ELAPOR1: variants seen among roughly 807,000 people sequenced by gnomAD.
ELAPOR1 encodes endosome/lysosome-associated apoptosis and autophagy regulator 1.
A neutral mutation model predicts 119.7 loss-of-function variants in ELAPOR1; 77 were observed. The ratio of observed to expected loss-of-function variants is 0.64; its 90% CI spans 0.54 to 0.78. The LOEUF (loss-of-function observed/expected upper bound fraction) is 0.78, where lower values mean the gene tolerates loss of function less well. ELAPOR1 is among the 30% of genes least tolerant of loss of function. The pLI, the probability that ELAPOR1 is intolerant of heterozygous loss-of-function variation, is 0.00. For missense variants in ELAPOR1, 1,115 were observed against 1,270.4 expected, an observed-to-expected ratio of 0.88 and a Z score of 1.86; for synonymous variants, 481 against 487.2, an observed-to-expected ratio of 0.99 and a Z score of 0.17.
chr1:109,121,396 C>A (rs570615771), intron 1 of ELAPOR1, among the ~76,000 whole-genome samples: 1 of 152,226 alleles, frequency 6.6e-6, no homozygotes, highest in African/African-American at 2.4e-5. Context: ...ATCCACCCCC[C>A]TCAGCCTCCC....
intron 1 of ELAPOR1, among the ~76,000 whole-genome samples, chr1:109,125,164 A>T (rs914517448): frequency 2.6e-5 from 4 of 151,934 alleles, no homozygotes; most frequent in African/African-American, 9.7e-5. Context: ...CCTGATCTCA[A>T]GTGATCAACC....
rs775967639 is a variant in ELAPOR1 at position 109,191,434 on chromosome 1, C to A, written c.1508C>A (p.Thr503Asn). Residue 503 changes from threonine to asparagine, a missense_variant, in exon 12 of 22, where the codon ACC becomes AAC. Transcript: ENST00000369939. ...GCCAGAATCACATTTGTCTTTGAGA[C>A]CCTCTGTTCTGTGAACTGTGAGCTC... ...EVARITFVFE[T>N]LCSVNCELYF... 1 of 1,614,124 alleles carries A rather than the reference C, an allele frequency of 6.2e-7. No homozygotes were observed. Among genetic ancestry groups the A allele is most frequent in the South Asian group, 1.1e-5 (1 of 91,078 alleles).
In ELAPOR1 at chr1:109,172,260, C is replaced by T. The variant is rs60639225; in HGVS notation, c.616-228C>T. The stretch of plus-strand genomic sequence containing the variant: ...GTTTTATCCAGCTCAGACATGAAAA[C>T]AGCACATCTGAGTTACAAGTTATTT... On this transcript the variant is annotated intron_variant, in intron 4 of 21. Transcript: ENST00000369939. Among the ~76,000 whole-genome samples, 1,147 of 152,332 alleles carry T rather than the reference C, an allele frequency of 7.5e-3. 14 individuals are homozygous for T. Among genetic ancestry groups the T allele is most frequent in the African/African-American group, 0.027 (1,103 of 41,580 alleles).
chr1:109,172,426 G>T, intron 4 of ELAPOR1, 62 bp from the exon 5 acceptor site: 1 of 1,250,196 alleles, frequency 8.0e-7, no homozygotes, highest in Non-Finnish European at 1.2e-6. Flanking sequence ...GGTGCAATGT[G>T]GGGAAAGGTA....
At chr1:109,194,692 T>A in intron 15 of ELAPOR1, 98 bp downstream of exon 15, 3 of 1,154,310 alleles carry the variant, frequency 2.6e-6, no homozygotes, top group Non-Finnish European at 3.8e-6. Context: ...ATCCTTCAGG[T>A]AGCAGGGGGT....
chr1:109,144,061 A>ATATATTTTTTTTTTTTTTTT, intron 1 of ELAPOR1, among the ~76,000 whole-genome samples: 11 of 88,982 alleles, frequency 1.2e-4, no homozygotes, highest in African/African-American at 1.9e-4. Context: ...ATATTTATAT[A>ATATATTTTTTTTTTTTTTTT]TTTTTTTTTT....
chr1:109,114,362 C>T lies in ELAPOR1; in HGVS notation c.153+26C>T, dbSNP rs1199536399. 6 of 1,544,978 alleles carry T rather than the reference C, an allele frequency of 3.9e-6. No homozygotes were observed. In the South Asian group the frequency reaches 6.0e-5, roughly 15 times the overall value. On this transcript the variant is annotated intron_variant, in intron 1 of 21. Coordinates refer to ENST00000369939, the MANE Select transcript of ELAPOR1 (RefSeq NM_020775.5). ...GTACTGCCGCCCCCCTACCCGATCC[C>T]GCTTTGGTCACAAAAGTCTTGGATC...
At position 109,199,923 on chromosome 1, in the gene ELAPOR1, G is replaced by T. The variant is rs187543042; in HGVS notation, c.2571G>T (p.Pro857=). The stretch of plus-strand genomic sequence containing the variant: ...TGTGGGAGAGCGCGGCTGCTTGCCC[G>T]CTCTGCTCAGTGGCTGACTACCATG... ...HFLWESAAAC[P]LCSVADYHAI... Residue 857 remains proline, a synonymous_variant, in exon 19 of 22, where the codon CCG becomes CCT. Coordinates refer to ENST00000369939, the MANE Select transcript of ELAPOR1 (RefSeq NM_020775.5). 6 of 1,613,958 alleles carry T rather than the reference G, an allele frequency of 3.7e-6. No homozygotes were observed. The East Asian group carries it at 8.9e-5, about 24-fold the overall frequency.
At chr1:109,167,684 C>T (rs1337894356) in intron 3 of ELAPOR1, among the ~76,000 whole-genome samples, 3 of 152,170 alleles carry the variant, frequency 2.0e-5, no homozygotes, top group Admixed American at 2.0e-4. Flanking sequence ...TCACAGCTCA[C>T]TGCAGCCTCA....
chr1:109,174,513 A>C (rs1027119005), intron 7 of ELAPOR1, among the ~76,000 whole-genome samples: 4 of 149,376 alleles, frequency 2.7e-5, no homozygotes, highest in African/African-American at 9.8e-5. Context: ...GGAATACGTC[A>C]GTGAACAAAA....
intron 1 of ELAPOR1, among the ~76,000 whole-genome samples, chr1:109,157,198 C>A (rs943483449): frequency 2.6e-5 from 4 of 152,168 alleles, no homozygotes; most frequent in African/African-American, 2.4e-5. Context: ...ACACAGGCTG[C>A]TCTCAAACAC....
chr1:109,166,800 T>A (rs930293170), intron 3 of ELAPOR1, among the ~76,000 whole-genome samples: 1 of 152,194 alleles, frequency 6.6e-6, no homozygotes, highest in African/African-American at 2.4e-5. Flanking sequence ...TTGTTCCTTA[T>A]TAAATATGGA....
intron 3 of ELAPOR1, among the ~76,000 whole-genome samples, chr1:109,170,397 G>A (rs180917571): frequency 1.4e-3 from 216 of 152,228 alleles, no homozygotes; most frequent in African/African-American, 5.0e-3. Context: ...AAAATATCAT[G>A]GGATTATGGC....
chr1:109,149,292 G>T (rs1278149950), intron 1 of ELAPOR1, among the ~76,000 whole-genome samples: 1 of 152,072 alleles, frequency 6.6e-6, no homozygotes, highest in Non-Finnish European at 1.5e-5. Flanking sequence ...TTCAGGCAGG[G>T]TTAGAGCAGT....
At chr1:109,163,913 C>T (rs1558042473) in intron 2 of ELAPOR1, among the ~76,000 whole-genome samples, 2 of 152,156 alleles carry the variant, frequency 1.3e-5, no homozygotes, top group African/African-American at 4.8e-5. Flanking sequence ...CACAAGAGAC[C>T]TTGGCATCTT....
chr1:109,146,995 A>G (rs1015859349), intron 1 of ELAPOR1, among the ~76,000 whole-genome samples: 3 of 149,920 alleles, frequency 2.0e-5, no homozygotes, highest in African/African-American at 7.4e-5. Context: ...AACCTCTGCC[A>G]CCCGGATTCA....
At chr1:109,187,665 C>T in intron 8 of ELAPOR1, 8 of 987,446 alleles carry the variant, frequency 8.1e-6, no homozygotes, top group Non-Finnish European at 9.8e-6. Context: ...ATCTCTGAGA[C>T]ACCAGGTCTG....
chr1:109,168,482 C>G (rs1651724391), intron 3 of ELAPOR1, among the ~76,000 whole-genome samples: 1 of 152,146 alleles, frequency 6.6e-6, no homozygotes, highest in Admixed American at 6.5e-5. Flanking sequence ...AACGGAGTCT[C>G]CATGGCAGGA....
intron 5 of ELAPOR1, among the ~76,000 whole-genome samples, 180 bp downstream of exon 5, chr1:109,172,748 G>A (rs1296254387): frequency 6.6e-6 from 1 of 152,178 alleles, no homozygotes; most frequent in Admixed American, 6.5e-5. Context: ...GGTGTGAGCT[G>A]ACTTGTAGCT....
Sources: allele counts gnomAD v4.1 joint callset (sites outside exome capture counted in the v4.1 genomes callset), GRCh38; gene constraint gnomAD v4.1.1; transcripts MANE v1.5; gene names NCBI Gene and HGNC (gene_info 2026-07-23, HGNC 2026-07-21).